Variants in PCDHGA4 observed in about 807,000 individuals in gnomAD.
PCDHGA4 encodes the protein protocadherin gamma subfamily A, 4, also known as protocadherin gamma-A4.
A neutral mutation model predicts 54.6 loss-of-function variants in PCDHGA4; 38 were observed. The ratio of observed to expected loss-of-function variants is 0.70; its 90% CI spans 0.54 to 0.91. The LOEUF (loss-of-function observed/expected upper bound fraction) is 0.91, where lower values mean the gene tolerates loss of function less well. PCDHGA4 is among the 40% of genes least tolerant of loss of function. The pLI is 0.00. For missense variants in PCDHGA4, 1,298 were observed against 1,220.9 expected, an observed-to-expected ratio of 1.06 and a Z score of -0.94; for synonymous variants, 511 against 512.9, an observed-to-expected ratio of 1.00 and a Z score of 0.05.
At chr5:141,472,113 A>C (rs1296591849) in intron 1 of PCDHGA4, among the ~76,000 whole-genome samples, 1 of 152,260 alleles carries the variant, frequency 6.6e-6, no homozygotes, top group Non-Finnish European at 1.5e-5. Context: ...ATACATAAAG[A>C]AAATAAAAGA....
chr5:141,504,078 C>T (rs1333392062), intron 2 of PCDHGA4, among the ~76,000 whole-genome samples: 1 of 152,078 alleles, frequency 6.6e-6, no homozygotes, highest in Non-Finnish European at 1.5e-5. Flanking sequence ...CCAGATGGTG[C>T]CAAACAGTTA....
In PCDHGA4 at chr5:141,391,891, A is replaced by C. The variant is rs140956361; in HGVS notation, c.2514+34270A>C. 7.1e-4 allele frequency: 108 copies of C among 152,338 alleles called. No individual in the cohort carries two copies. In the East Asian group the frequency reaches 0.015, roughly 21 times the overall value. 9.4% of individuals were successfully genotyped at this position (152,338 alleles called of 1,614,324 possible). On this transcript the variant is annotated intron_variant, in intron 1 of 3. Coordinates refer to ENST00000571252, the MANE Select transcript of PCDHGA4 (RefSeq NM_018917.4). ...TCATCTCTTTGGTGAAAGGGATGGG[A>C]TGGAGCTTTGCTTTTTATCATATAT... is the stretch of plus-strand genomic sequence containing the variant.
At chr5:141,403,284 A>C in intron 1 of PCDHGA4, 1 of 1,613,912 alleles carries the variant, frequency 6.2e-7, no homozygotes. Flanking sequence ...GTCCTGGTTG[A>C]AGACAGAGTG....
At chr5:141,393,715 T>C in intron 1 of PCDHGA4, 1 of 1,613,746 alleles carries the variant, frequency 6.2e-7, no homozygotes, top group South Asian at 1.1e-5. Flanking sequence ...ACTGGGGAAA[T>C]ATCAATAGCA....
At chr5:141,405,206 A>G in intron 1 of PCDHGA4, 1 of 1,613,648 alleles carries the variant, frequency 6.2e-7, no homozygotes, top group Non-Finnish European at 8.5e-7. Flanking sequence ...TTTCCTACAG[A>G]CCTATTCTCA....
intron 1 of PCDHGA4, chr5:141,423,945 A>T (rs931771609): frequency 4.1e-6 from 5 of 1,207,688 alleles, no homozygotes; most frequent in Non-Finnish European, 4.1e-6. Context: ...AGTAAGTTGA[A>T]TTTTAGTATT....
chr5:141,466,947 A>C (rs2099132734), intron 1 of PCDHGA4, among the ~76,000 whole-genome samples: 1 of 152,126 alleles, frequency 6.6e-6, no homozygotes, highest in South Asian at 2.1e-4. Context: ...TGTCCAGTAA[A>C]CAGACTGCAA....
intron 1 of PCDHGA4, chr5:141,390,929 T>C (rs1296144036): frequency 1.3e-5 from 2 of 152,314 alleles, no homozygotes; most frequent in African/African-American, 4.8e-5. Context: ...ACTATGCTCA[T>C]TAGAAGATCA....
At chr5:141,365,280 T>C (rs1298679649) in intron 1 of PCDHGA4, 2 of 1,614,018 alleles carry the variant, frequency 1.2e-6, no homozygotes, top group Admixed American at 1.7e-5. Context: ...TTCTACCTCA[T>C]GGAAGTGGTA....
chr5:141,382,921 G>A, intron 1 of PCDHGA4: 2 of 1,560,324 alleles, frequency 1.3e-6, no homozygotes, highest in South Asian at 1.2e-5. Flanking sequence ...GCCGAGGGGC[G>A]GGGACTACAG....
intron 2 of PCDHGA4, among the ~76,000 whole-genome samples, chr5:141,504,788 TC>T (rs1235410120): frequency 6.6e-6 from 1 of 152,070 alleles, no homozygotes; most frequent in Non-Finnish European, 1.5e-5. Context: ...TCTTGGGGCC[TC>T]CTACATCTCC....
intron 1 of PCDHGA4, chr5:141,360,786 C>CGG: frequency 6.2e-7 from 1 of 1,612,498 alleles, no homozygotes. Flanking sequence ...CTGTGGATGG[C>CGG]GGAGACCCAC....
Position 141,476,301 on chromosome 5 carries a change from C to T in PCDHGA4, c.2515-18506C>T. On this transcript the variant is annotated intron_variant, in intron 1 of 3. Transcript: ENST00000571252. The surrounding 1 kb of genome is among the most constrained non-coding windows in gnomAD (Gnocchi z 7.6). ...CTTGGTTTGGATCTCGGTAGCCTCT[C>T]AGCCCGCAGGTTCCGGGTGGTGTCT... is the stretch of plus-strand genomic sequence containing the variant. The T allele has an allele frequency of 1.9e-6, 3 of 1,613,778 alleles. No homozygotes were observed. The highest frequency in any genetic ancestry group is 2.5e-6 in the Non-Finnish European group (3 of 1,179,908).
chr5:141,418,351 G>A, intron 1 of PCDHGA4: 1 of 1,614,026 alleles, frequency 6.2e-7, no homozygotes, highest in Non-Finnish European at 8.5e-7. Flanking sequence ...ATATTAGTAT[G>A]AATTCGCTGA....
Position 141,505,556 on chromosome 5 carries a change from C to T in PCDHGA4, c.2662+75C>T, listed in dbSNP as rs2233611. ...GGGTGCATCTCACAGCCACCATGCC[C>T]ACGGACTGGATGTCAAACCTGTGTA... On this transcript the variant is annotated intron_variant, in intron 3 of 3. Transcript: ENST00000571252. 1,282 of 1,606,040 alleles carry T rather than the reference C, an allele frequency of 8.0e-4. 6 individuals are homozygous for T. In the African/African-American group the frequency reaches 0.013, roughly 16 times the overall value.
intron 2 of PCDHGA4, among the ~76,000 whole-genome samples, chr5:141,495,270 G>C (rs1428903664): frequency 1.3e-5 from 2 of 152,178 alleles, no homozygotes; most frequent in Non-Finnish European, 2.9e-5. Context: ...GCATTTGACC[G>C]GAGGAGGCGG....
intron 1 of PCDHGA4, chr5:141,391,427 A>G (rs1374909206): frequency 1.3e-5 from 2 of 151,516 alleles, no homozygotes; most frequent in Non-Finnish European, 2.9e-5. Flanking sequence ...TTCCTTCTGC[A>G]TCAGCCTCCT....
chr5:141,483,951 TTG>T (rs1298075162), intron 1 of PCDHGA4, among the ~76,000 whole-genome samples: 2 of 147,758 alleles, frequency 1.4e-5, no homozygotes, highest in Non-Finnish European at 3.0e-5. Flanking sequence ...GTGAATTGTG[TTG>T]TGTTTCTGTG....
At chr5:141,371,896 T>G (rs760450150) in intron 1 of PCDHGA4, 14 of 1,613,426 alleles carry the variant, frequency 8.7e-6, no homozygotes, top group Non-Finnish European at 1.1e-5. Flanking sequence ...CCGCGGGAGC[T>G]GTCGTCCTAC....
Sources: allele counts gnomAD v4.1 joint callset (sites outside exome capture counted in the v4.1 genomes callset), GRCh38; gene constraint gnomAD v4.1.1; non-coding constraint Gnocchi (gnomAD v3.1); transcripts MANE v1.5; gene names NCBI Gene and HGNC (gene_info 2026-07-23, HGNC 2026-07-21).